The following CAMKMT variants were observed in gnomAD, a reference collection of about 807,000 sequenced individuals.
The protein encoded by CAMKMT is calmodulin-lysine N-methyltransferase.
CAMKMT carries 53 observed loss-of-function variants against 48.0 expected under a neutral mutation model. The observed-to-expected ratio is 1.10, with a 90% CI of 0.89 to 1.39. CAMKMT has a LOEUF of 1.39. Ranked by LOEUF, CAMKMT falls within the 40% of genes most tolerant of loss-of-function variation. CAMKMT has a pLI of 0.00. For missense variants in CAMKMT, 428 were observed against 402.7 expected (o/e 1.06, Z -0.54); for synonymous variants, 165 against 152.3 (o/e 1.08, Z -0.61).
At chr2:44,677,338 A>G (rs1474018386) in intron 3 of CAMKMT, among the ~76,000 whole-genome samples, 1 of 152,188 alleles carries the variant, frequency 6.6e-6, no homozygotes, top group Non-Finnish European at 1.5e-5. Context: ...ATTTTGCAAG[A>G]ACATAGGCAA....
intron 3 of CAMKMT, among the ~76,000 whole-genome samples, chr2:44,513,888 C>T (rs1294462115): frequency 1.8e-4 from 28 of 151,944 alleles, no homozygotes; most frequent in Non-Finnish European, 3.2e-4. Context: ...ATCGCTTGAG[C>T]CCAGGAGTTC....
intron 3 of CAMKMT, among the ~76,000 whole-genome samples, chr2:44,675,090 A>AGGGGGG (rs1675604160): frequency 6.6e-6 from 1 of 151,742 alleles, no homozygotes; most frequent in Non-Finnish European, 1.5e-5. Context: ...GGGGGGAAAA[A>AGGGGGG]AAAAAAGGCA....
intron 3 of CAMKMT, among the ~76,000 whole-genome samples, chr2:44,600,575 A>C (rs903481353): frequency 6.6e-6 from 1 of 152,068 alleles, no homozygotes; most frequent in Non-Finnish European, 1.5e-5. Context: ...GCCAAGATCA[A>C]GTTTTTGACA....
chr2:44,469,229 G>A (rs946409111), intron 3 of CAMKMT, among the ~76,000 whole-genome samples: 30 of 151,952 alleles, frequency 2.0e-4, no homozygotes, highest in African/African-American at 7.2e-4. Context: ...GTATCATACT[G>A]TATCCATAAA....
In CAMKMT at chr2:44,638,562, T is replaced by C. The variant is rs908246547; in HGVS notation, c.377-65721T>C. On this transcript the variant is annotated intron_variant, in intron 3 of 10. Transcript: ENST00000378494. ...CTGTAATACTTCCTCAGAGTATCTA[T>C]TGTCTTTCAAATGGGGCCAAGGCTT... Among the ~76,000 whole-genome samples, 6 of 152,212 alleles carry C rather than the reference T, an allele frequency of 3.9e-5. 1 individual carries two copies. The highest frequency in any genetic ancestry group is 1.2e-4 in the African/African-American group (5 of 41,456).
chr2:44,518,480 A>T (rs1303918197), intron 3 of CAMKMT, among the ~76,000 whole-genome samples: 1 of 152,250 alleles, frequency 6.6e-6, no homozygotes, highest in African/African-American at 2.4e-5. Context: ...CCAATGTAAC[A>T]ATAGAACACA....
At chr2:44,366,662 A>G (rs1678623900) in intron 1 of CAMKMT, among the ~76,000 whole-genome samples, 1 of 152,206 alleles carries the variant, frequency 6.6e-6, no homozygotes, top group South Asian at 2.1e-4. Context: ...TAATATTTGT[A>G]AAATGTTTAG....
intron 3 of CAMKMT, among the ~76,000 whole-genome samples, chr2:44,634,701 A>G (rs1673020286): frequency 6.7e-6 from 1 of 149,402 alleles, no homozygotes; most frequent in South Asian, 2.1e-4. Flanking sequence ...GGTGTTTGGG[A>G]GCTCAAATGA....
At chr2:44,705,994 G>A (rs1218458167) in intron 4 of CAMKMT, among the ~76,000 whole-genome samples, 2 of 152,064 alleles carry the variant, frequency 1.3e-5, no homozygotes, top group South Asian at 2.1e-4. Context: ...AAAAGACAGC[G>A]CCATTGACAA....
At chr2:44,700,145 A>G (rs1428507228) in intron 3 of CAMKMT, among the ~76,000 whole-genome samples, 1 of 152,204 alleles carries the variant, frequency 6.6e-6, no homozygotes, top group African/African-American at 2.4e-5. Context: ...CTAGCTTCAA[A>G]CTTTTCTTCT....
At chr2:44,568,029 A>G (rs962307069) in intron 3 of CAMKMT, among the ~76,000 whole-genome samples, 5 of 151,898 alleles carry the variant, frequency 3.3e-5, no homozygotes, top group South Asian at 2.1e-4. Context: ...TAGAGCTTAT[A>G]ATAAGGAGCT....
chr2:44,651,101 T>C (rs780732889), intron 3 of CAMKMT, among the ~76,000 whole-genome samples: 37 of 152,326 alleles, frequency 2.4e-4, no homozygotes, highest in Middle Eastern at 6.8e-3. Flanking sequence ...TAAATTGATA[T>C]AATCCTTCTG....
At chr2:44,732,841 A>G (rs1487703299) in intron 7 of CAMKMT, among the ~76,000 whole-genome samples, 1 of 152,168 alleles carries the variant, frequency 6.6e-6, no homozygotes, top group East Asian at 1.9e-4. Context: ...ATCAGATACT[A>G]TATATGATTT....
In CAMKMT at chr2:44,631,840, G is replaced by A. The variant is rs1672852181; in HGVS notation, c.377-72443G>A. ...ATTATTTCAGTTTTCTCTACTCTTG[G>A]TTTAGTGGCTATACCTCTTTGTTTA... On this transcript the variant is annotated intron_variant, in intron 3 of 10. Transcript: ENST00000378494. 4 of 246,750 alleles carry A rather than the reference G, an allele frequency of 1.6e-5. No homozygotes were observed. In the South Asian group the frequency reaches 6.7e-4, roughly 41 times the overall value. The allele number at this position is 246,750 out of a possible 1,614,324, so 15.3% of individuals were successfully genotyped here. A position where few individuals can be genotyped will look rare whatever the true frequency, so the allele number is the denominator to read the frequency against.
At chr2:44,408,832 T>C (rs1318466118) in intron 3 of CAMKMT, among the ~76,000 whole-genome samples, 2 of 151,672 alleles carry the variant, frequency 1.3e-5, no homozygotes, top group Non-Finnish European at 1.5e-5. Flanking sequence ...GCCTCAACTT[T>C]CTGGGCCCAA....
intron 3 of CAMKMT, among the ~76,000 whole-genome samples, chr2:44,564,092 A>G (rs1668481219): frequency 1.3e-5 from 2 of 152,146 alleles, no homozygotes; most frequent in Non-Finnish European, 2.9e-5. Flanking sequence ...AGTCCCACCA[A>G]TAGTGTAAAA....
intron 3 of CAMKMT, among the ~76,000 whole-genome samples, chr2:44,630,667 CAG>C (rs1280944987): frequency 6.6e-6 from 1 of 151,752 alleles, no homozygotes; most frequent in African/African-American, 2.4e-5. Flanking sequence ...CACTGGCTAT[CAG>C]AGAAATGCAA....
intron 3 of CAMKMT, among the ~76,000 whole-genome samples, chr2:44,487,425 T>C (rs1270395106): frequency 6.6e-6 from 1 of 152,212 alleles, no homozygotes; most frequent in African/African-American, 2.4e-5. Flanking sequence ...ACTATCATGA[T>C]AATTATAATC....
At chr2:44,547,932 A>G (rs1667494458) in intron 3 of CAMKMT, among the ~76,000 whole-genome samples, 2 of 152,182 alleles carry the variant, frequency 1.3e-5, no homozygotes, top group South Asian at 2.1e-4. Flanking sequence ...CTCCTGCAGT[A>G]CTGTCTCTCA....
Sources: gnomAD v4.1 joint callset for allele counts (sites outside exome capture counted in the v4.1 genomes callset) on GRCh38, gnomAD v4.1.1 for gene constraint, MANE v1.5 for transcripts, NCBI Gene and HGNC (gene_info 2026-07-23, HGNC 2026-07-21) for gene names.